Variants in ZNF77 observed in about 807,000 individuals in gnomAD.
The protein encoded by ZNF77 is ZNFpT1.
Under a neutral mutation model 13.5 loss-of-function variants are expected in ZNF77, and 15 were observed. The ratio of observed to expected loss-of-function variants is 1.11; its 90% CI spans 0.74 to 1.71. The LOEUF is 1.71. Ranked by LOEUF, ZNF77 falls within the 40% of genes most tolerant of loss-of-function variation. The pLI, the probability that ZNF77 is intolerant of heterozygous loss-of-function variation, is 0.00. For missense variants in ZNF77, 717 were observed against 676.4 expected (o/e 1.06, Z -0.67); for synonymous variants, 282 against 250.0 (o/e 1.13, Z -1.21).
At chr19:2,940,537 G>C (rs2088440021) in intron 1 of ZNF77, among the ~76,000 whole-genome samples, 1 of 152,116 alleles carries the variant, frequency 6.6e-6, no homozygotes, top group Admixed American at 6.6e-5. Flanking sequence ...GCTGGGCGTG[G>C]TGGCACACGC....
chr19:2,933,876 G>A lies in ZNF77; in HGVS notation c.1251C>T (p.Tyr417=). 6.2e-7 allele frequency: 1 copy of A among 1,613,864 alleles called. No individual in the cohort carries two copies. The highest frequency in any genetic ancestry group is 8.5e-7 in the Non-Finnish European group (1 of 1,179,928). The change falls in exon 4 of 4, where the codon TAC becomes TAT. Residue 417 remains tyrosine (Y), a synonymous_variant. Coordinates refer to ENST00000314531, the MANE Select transcript of ZNF77 (RefSeq NM_021217.3). ...PYQCKECGKA[Y]SFSSSLRIHV... ...GGATTCGAAGGGAGGAGGAAAAACT[G>A]TAGGCTTTCCCACACTCTTTACATT...
chr19:2,933,921 G>T lies in ZNF77; in HGVS notation c.1206C>A (p.His402Gln). 1 of 1,613,798 alleles carries T rather than the reference G, an allele frequency of 6.2e-7. No homozygotes were observed. Among genetic ancestry groups the T allele is most frequent in the Non-Finnish European group, 8.5e-7 (1 of 1,179,962 alleles). The change falls in exon 4 of 4, where the codon CAC becomes CAA. Residue 402 changes from histidine to glutamine, a missense_variant. Transcript: ENST00000314531. ...TACATTGATAGGGCTTCACCCCGCT[G>T]TGTGTTTTCACATGTCTTCTAAAGT... The part of the protein sequence containing the change: ...PTYFRRHVKT[H>Q]SGVKPYQCKE...
intron 1 of ZNF77, among the ~76,000 whole-genome samples, chr19:2,942,049 G>GA (rs10709025): frequency 2.7e-5 from 4 of 150,342 alleles, no homozygotes; most frequent in Admixed American, 6.6e-5. Flanking sequence ...CTAAGGACAA[G>GA]AAAAAAAAGG....
At position 2,936,547 on chromosome 19, in the gene ZNF77, G is replaced by T; in HGVS notation, c.288C>A (p.His96Gln). ...ACCTCAGATGCCTCTGTGGGATTTG[G>T]TGCTGATCTCCAGTGTTATCAAATC... The part of the protein sequence containing the change: ...NWRFDNTGDQ[H>Q]QIPQRHLRSQ... Residue 96 changes from histidine (H) to glutamine (Q), a missense_variant, in exon 3 of 4, where the codon CAC (histidine) becomes CAA (glutamine). Transcript: ENST00000314531. 6.2e-7 allele frequency: 1 copy of T among 1,607,534 alleles called. No homozygotes were observed. Among genetic ancestry groups the T allele is most frequent in the Non-Finnish European group, 8.5e-7 (1 of 1,178,188 alleles).
At chr19:2,943,484 G>A (rs1033718090) in intron 1 of ZNF77, among the ~76,000 whole-genome samples, 16 of 151,910 alleles carry the variant, frequency 1.1e-4, no homozygotes, top group African/African-American at 2.9e-4. Flanking sequence ...CAAGCAGTAA[G>A]TGTGGAGTCC....
At position 2,944,876 on chromosome 19, in the gene ZNF77, C is replaced by G. The variant is rs1411208992; in HGVS notation, c.-36G>C. 2.6e-6 allele frequency: 4 copies of G among 1,523,232 alleles called. No homozygotes were observed. The South Asian group carries it at 3.6e-5, about 14-fold the overall frequency. The allele number at this position is 1,523,232 out of a possible 1,614,324, so 94.4% of individuals were successfully genotyped here. Reference sequence around the variant, plus strand: ...CTCCTGGGCTCTCCAGGGTTAGCGCCCCGCGGTCCAGCGACCGGCGCAGGT... The same window carrying G: ...CTCCTGGGCTCTCCAGGGTTAGCGCGCCGCGGTCCAGCGACCGGCGCAGGT... On this transcript the variant is annotated 5_prime_UTR_variant, in exon 1 of 4. Coordinates refer to ENST00000314531, the MANE Select transcript of ZNF77 (RefSeq NM_021217.3).
intron 3 of ZNF77, among the ~76,000 whole-genome samples, chr19:2,935,441 C>G (rs183866906): frequency 2.2e-3 from 330 of 152,014 alleles, no homozygotes; most frequent in Non-Finnish European, 3.6e-3. Flanking sequence ...CCTCAGCCTC[C>G]CAAGTGGCTG....
intron 3 of ZNF77, among the ~76,000 whole-genome samples, chr19:2,936,172 A>G (rs192538814): frequency 1.3e-3 from 190 of 151,578 alleles, no homozygotes; most frequent in African/African-American, 4.5e-3. Context: ...TTTGAGATGG[A>G]GCTTTGCTCT....
Position 2,939,372 on chromosome 19 carries a change from G to T in ZNF77, c.39C>A (p.Phe13Leu). The stretch of plus-strand genomic sequence containing the variant: ...CCAGCAATGCCCACTCTTCTGGGGT[G>T]AAGTTCACAGCCACTTCCTCAAAGA... ...CVIFEEVAVN[F>L]TPEEWALLDH... is the part of the protein sequence containing the mutation. The change falls in exon 2 of 4, where the codon TTC becomes TTA. Residue 13 changes from phenylalanine to leucine, a missense_variant. Transcript: ENST00000314531. The T allele has an allele frequency of 6.2e-7, 1 of 1,614,190 alleles. No individual in the cohort carries two copies. Among genetic ancestry groups the T allele is most frequent in the Non-Finnish European group, 8.5e-7 (1 of 1,180,018 alleles).
chr19:2,934,679 C>A lies in ZNF77; in HGVS notation c.448G>T (p.Ala150Ser), dbSNP rs151318441. ...KPSECTKCGK[A>S]FENRQRSHTG... ...TGAGATCTCTGCCGATTCTCGAAGG[C>A]TTTGCCACACTTAGTGCACTCAGAG... is the stretch of plus-strand genomic sequence containing the variant. The change falls in exon 4 of 4, where the codon GCC becomes TCC. Residue 150 changes from alanine (A) to serine (S), a missense_variant. Transcript: ENST00000314531. The A allele has an allele frequency of 5.6e-6, 9 of 1,614,012 alleles. No homozygotes were observed. In the African/African-American group the frequency reaches 1.2e-4, roughly 22 times the overall value.
chr19:2,938,493 T>C (rs1045133450), intron 2 of ZNF77, among the ~76,000 whole-genome samples: 1 of 152,208 alleles, frequency 6.6e-6, no homozygotes, highest in African/African-American at 2.4e-5. Context: ...CTCAGACTTA[T>C]AAAATGTGGG....
intron 1 of ZNF77, among the ~76,000 whole-genome samples, chr19:2,942,370 CTTT>C (rs71179937): frequency 2.9e-5 from 3 of 102,090 alleles, no homozygotes; most frequent in Admixed American, 1.2e-4. Context: ...GCGCCCGGCT[CTTT>C]TTTTTTTTTT....
chr19:2,943,101 C>G (rs1009781973), intron 1 of ZNF77, among the ~76,000 whole-genome samples: 7 of 152,134 alleles, frequency 4.6e-5, no homozygotes, highest in Non-Finnish European at 1.0e-4. Context: ...CTTCAGATGC[C>G]TGCATACTTG....
intron 1 of ZNF77, among the ~76,000 whole-genome samples, chr19:2,940,777 G>A (rs1198649388): frequency 5.3e-5 from 8 of 151,712 alleles, no homozygotes; most frequent in South Asian, 2.1e-4. Flanking sequence ...AGGCTTCTTC[G>A]AAGACATGGC....
chr19:2,934,482 C>T lies in ZNF77; in HGVS notation c.645G>A (p.Gln215=), dbSNP rs35994793. 1.2e-6 allele frequency: 2 copies of T among 1,614,090 alleles called. No homozygotes were observed. Among genetic ancestry groups the T allele is most frequent in the African/African-American group, 2.7e-5 (2 of 74,942 alleles). ...SLSSKKSYEC[Q]KCGKAFICPS... ...GACAAATGAAAGCTTTTCCACATTT[C>T]TGACATTCATAAGACTTTTTACTGC... The change falls in exon 4 of 4, where the codon CAG becomes CAA. Residue 215 remains glutamine, a synonymous_variant. Transcript: ENST00000314531.
rs2088369013 is a variant in ZNF77, at chr19:2,933,935, G to A, written c.1192C>T (p.His398Tyr). ...TTCACCCCGCTGTGTGTTTTCACATGTCTTCTAAAGTAAGTGGGACATCCG... is the reference window on the plus strand; with the variant it reads ...TTCACCCCGCTGTGTGTTTTCACATATCTTCTAAAGTAAGTGGGACATCCG... Reference protein sequence around the residue: ...AFGCPTYFRRHVKTHSGVKPY... With the variant: ...AFGCPTYFRRYVKTHSGVKPY... The change falls in exon 4 of 4, where the codon CAT becomes TAT. Residue 398 changes from histidine to tyrosine, a missense_variant. By Grantham distance (83) the His-to-Tyr change is moderately conservative (BLOSUM62 2). Transcript: ENST00000314531. 1 of 1,613,934 alleles carries A rather than the reference G, an allele frequency of 6.2e-7. No individual in the cohort carries two copies. The highest frequency in any genetic ancestry group is 8.5e-7 in the Non-Finnish European group (1 of 1,180,006).
intron 2 of ZNF77, among the ~76,000 whole-genome samples, chr19:2,937,605 C>T (rs1037198442): frequency 2.6e-5 from 4 of 152,070 alleles, no homozygotes; most frequent in South Asian, 2.1e-4. Flanking sequence ...GCAAAGTTTG[C>T]ACATGCACAA....
intron 1 of ZNF77, among the ~76,000 whole-genome samples, chr19:2,941,088 T>C (rs1202944483): frequency 6.8e-6 from 1 of 147,950 alleles, no homozygotes; most frequent in Non-Finnish European, 1.5e-5. Flanking sequence ...GGTGGGAGGA[T>C]CATTTGAGCC....
chr19:2,937,958 C>T (rs527538884), intron 2 of ZNF77, among the ~76,000 whole-genome samples: 6 of 152,204 alleles, frequency 3.9e-5, no homozygotes, highest in African/African-American at 9.6e-5. Context: ...GGTTTCACCA[C>T]GTTGGCCAGG....
Sources: allele counts gnomAD v4.1 joint callset (sites outside exome capture counted in the v4.1 genomes callset), GRCh38; gene constraint gnomAD v4.1.1; transcripts MANE v1.5; gene names NCBI Gene and HGNC (gene_info 2026-07-23, HGNC 2026-07-21).